PRKG1: variants seen among roughly 807,000 people sequenced by gnomAD.
The protein encoded by PRKG1 is protein kinase cGMP-dependent 1, also known as cGMP-dependent protein kinase 1.
PRKG1 carries 35 observed loss-of-function variants against 88.1 expected under a neutral mutation model. The observed-to-expected ratio is 0.40, with a 90% CI of 0.30 to 0.53. The LOEUF (loss-of-function observed/expected upper bound fraction) is 0.53. Among genes scored for constraint, PRKG1 ranks in the 20% least tolerant of loss-of-function variants. PRKG1 has a pLI of 0.59. For synonymous variants in PRKG1, 303 were observed against 292.5 expected (o/e 1.04, Z -0.37); for missense variants, 540 against 839.8 (o/e 0.64, Z 4.41).
At chr10:51,988,107 T>C (rs147455558) in intron 5 of PRKG1, among the ~76,000 whole-genome samples, 2 of 152,218 alleles carry the variant, frequency 1.3e-5, no homozygotes, top group African/African-American at 4.8e-5. Flanking sequence ...CTATTGTATG[T>C]GCCCTTTACA....
chr10:51,273,596 T>TG (rs1641752056), intron 2 of PRKG1, among the ~76,000 whole-genome samples: 1 of 152,200 alleles, frequency 6.6e-6, no homozygotes, highest in South Asian at 2.1e-4. Context: ...AGCTCAAAGA[T>TG]GGGCTCAGTG....
intron 1 of PRKG1, among the ~76,000 whole-genome samples, chr10:51,064,060 T>C (rs1675841670): frequency 6.6e-6 from 1 of 152,096 alleles, no homozygotes; most frequent in African/African-American, 2.4e-5. Flanking sequence ...AAATGAAACA[T>C]TTAAATCTCA....
At chr10:51,647,766 C>T (rs1564588834) in intron 3 of PRKG1, among the ~76,000 whole-genome samples, 1 of 152,152 alleles carries the variant, frequency 6.6e-6, no homozygotes, top group Non-Finnish European at 1.5e-5. Flanking sequence ...TAACATATAA[C>T]TGCCACTACC....
At chr10:51,612,248 A>G (rs1040623306) in intron 3 of PRKG1, among the ~76,000 whole-genome samples, 6 of 152,016 alleles carry the variant, frequency 3.9e-5, no homozygotes, top group Admixed American at 3.3e-4. Flanking sequence ...CATTTTAACA[A>G]TATTCTCCTA....
chr10:51,481,001 A>G (rs1041399988), intron 3 of PRKG1, among the ~76,000 whole-genome samples: 1 of 152,178 alleles, frequency 6.6e-6, no homozygotes, highest in Non-Finnish European at 1.5e-5. Flanking sequence ...CAAACAAAAT[A>G]TGAGCCATAC....
chr10:51,258,151 G>T (rs1015550956), intron 2 of PRKG1, among the ~76,000 whole-genome samples: 1 of 152,058 alleles, frequency 6.6e-6, no homozygotes, highest in Non-Finnish European at 1.5e-5. Flanking sequence ...TCTGTGTAAG[G>T]CTTCTCCAGA....
chr10:51,700,621 C>T (rs1023322849), intron 3 of PRKG1, among the ~76,000 whole-genome samples: 1 of 152,114 alleles, frequency 6.6e-6, no homozygotes, highest in Admixed American at 6.6e-5. Context: ...TTGGAGAGGG[C>T]TAGGTAAATT....
intron 1 of PRKG1, among the ~76,000 whole-genome samples, chr10:51,084,433 A>T (rs751666230): frequency 1.3e-5 from 2 of 152,234 alleles, no homozygotes; most frequent in Non-Finnish European, 2.9e-5. Flanking sequence ...GTGACAATTT[A>T]CTACCAAGAT....
chr10:51,998,298 C>T (rs1020366354), intron 5 of PRKG1, among the ~76,000 whole-genome samples: 1 of 152,060 alleles, frequency 6.6e-6, no homozygotes, highest in Non-Finnish European at 1.5e-5. Context: ...ATGACATTGA[C>T]ATTGTGTCAT....
intron 1 of PRKG1, among the ~76,000 whole-genome samples, chr10:51,121,891 T>A (rs1589168231): frequency 6.6e-6 from 1 of 152,346 alleles, no homozygotes; most frequent in South Asian, 2.1e-4. Flanking sequence ...ATGGTCCTAA[T>A]GGCATAGTAT....
chr10:51,327,872 G>A lies in PRKG1; in HGVS notation c.479-139851G>A, dbSNP rs543780667. Among the ~76,000 whole-genome samples the A allele has an allele frequency of 3.3e-5, 5 of 152,274 alleles. No individual in the cohort carries two copies. The East Asian group carries it at 9.7e-4, about 29-fold the overall frequency. On this transcript the variant is annotated intron_variant, in intron 2 of 17. Coordinates refer to ENST00000373980, the MANE Select transcript of PRKG1 (RefSeq NM_006258.4). ...AAATATCATTATGTGGCACATGACT[G>A]TATTTACCATGCAAAAAATGATAGT...
intron 7 of PRKG1, among the ~76,000 whole-genome samples, chr10:52,118,597 G>A (rs971420633): frequency 1.3e-5 from 2 of 151,988 alleles, no homozygotes; most frequent in East Asian, 1.9e-4. Flanking sequence ...CAAATGCCAT[G>A]TTTGCTTTTT....
At chr10:51,762,159 G>A (rs995799903) in intron 3 of PRKG1, among the ~76,000 whole-genome samples, 6 of 152,150 alleles carry the variant, frequency 3.9e-5, no homozygotes, top group African/African-American at 1.4e-4. Flanking sequence ...GGTCCATGTG[G>A]TAGATGAATG....
At chr10:51,414,520 G>A (rs1838186297) in intron 2 of PRKG1, among the ~76,000 whole-genome samples, 1 of 152,182 alleles carries the variant, frequency 6.6e-6, no homozygotes, top group Non-Finnish European at 1.5e-5. Context: ...AAAAAGCTCT[G>A]AATTGGAGTC....
intron 2 of PRKG1, among the ~76,000 whole-genome samples, chr10:51,423,342 A>G (rs1304941118): frequency 6.6e-6 from 1 of 152,204 alleles, no homozygotes; most frequent in Non-Finnish European, 1.5e-5. Flanking sequence ...CGTATTTAAA[A>G]CAACAACCTA....
intron 5 of PRKG1, among the ~76,000 whole-genome samples, chr10:51,992,996 TACTC>T (rs1203524413): frequency 1.3e-5 from 2 of 152,182 alleles, no homozygotes; most frequent in African/African-American, 4.8e-5. Context: ...GCTTTCTTCT[TACTC>T]ACGGAAGGAG....
At chr10:52,207,611 A>G (rs900220474) in intron 9 of PRKG1, among the ~76,000 whole-genome samples, 3 of 152,152 alleles carry the variant, frequency 2.0e-5, no homozygotes, top group African/African-American at 7.2e-5. Flanking sequence ...ACATAGGCTG[A>G]AGTACTGCCC....
intron 3 of PRKG1, among the ~76,000 whole-genome samples, chr10:51,692,431 G>A (rs1304182815): frequency 1.3e-5 from 2 of 152,048 alleles, no homozygotes; most frequent in Non-Finnish European, 2.9e-5. Context: ...ATTTTTAGTA[G>A]AGACGGATTT....
chr10:51,415,561 G>A (rs1341465106), intron 2 of PRKG1, among the ~76,000 whole-genome samples: 3 of 152,112 alleles, frequency 2.0e-5, no homozygotes, highest in Non-Finnish European at 4.4e-5. Context: ...TCTACAGACA[G>A]GACTTGTAAT....
Sources: allele counts gnomAD v4.1 joint callset (sites outside exome capture counted in the v4.1 genomes callset), GRCh38; gene constraint gnomAD v4.1.1; transcripts MANE v1.5; gene names NCBI Gene and HGNC (gene_info 2026-07-23, HGNC 2026-07-21).